The following MIDN variants were observed in gnomAD, a reference collection of about 807,000 sequenced individuals.
MIDN encodes midnolin, also known as midbrain nucleolar protein.
MIDN carries 26 observed loss-of-function variants against 46.1 expected under a neutral mutation model. The ratio of observed to expected loss-of-function variants is 0.56; its 90% CI spans 0.41 to 0.78. The LOEUF (loss-of-function observed/expected upper bound fraction) is 0.78, where lower values mean the gene tolerates loss of function less well. Ranked by LOEUF, MIDN falls within the 30% of genes least tolerant of loss-of-function variation. The probability of loss-of-function intolerance (pLI) is 0.00; values close to 1 mark genes in which losing one functional copy is unlikely to be tolerated. For missense variants in MIDN, 850 were observed against 771.8 expected (o/e 1.10, Z -1.20); for synonymous variants, 432 against 343.3 (o/e 1.26, Z -2.86).
At position 1,251,883 on chromosome 19, in the gene MIDN, G is replaced by A. The variant is rs187630443; in HGVS notation, c.366G>A (p.Glu122=). ...AACAGTCCGTGATGCAAGCTCTCGA[G>A]AGTCTCACGGAGACGCAGGTAAGAC... The part of the protein sequence containing the change: ...RPEQSVMQAL[E]SLTETQPPAA... The change falls in exon 4 of 9, where the codon GAG becomes GAA. Residue 122 remains glutamate, a synonymous_variant. Coordinates refer to ENST00000682408, the MANE Select transcript of MIDN (RefSeq NM_001388306.1). 40 of 1,613,366 alleles carry A rather than the reference G, an allele frequency of 2.5e-5. No homozygotes were observed. In the East Asian group the frequency reaches 8.9e-4, roughly 36 times the overall value.
At position 1,258,864 on chromosome 19, in the gene MIDN, G is replaced by A. The variant is rs994506647; in HGVS notation, c.*1592G>A. The A allele has an allele frequency of 6.6e-6, 1 of 151,830 alleles. No homozygotes were observed. The highest frequency in any genetic ancestry group is 2.4e-5 in the African/African-American group (1 of 41,438). The allele number at this position is 151,830 out of a possible 1,614,324, so 9.4% of individuals were successfully genotyped here. On this transcript the variant is annotated 3_prime_UTR_variant, in exon 9 of 9. Coordinates refer to ENST00000682408, the MANE Select transcript of MIDN (RefSeq NM_001388306.1). ...GGTTTGTTTTTTGAAGAACTGTCTT[G>A]GATACCTATTTAAATGTGTGTTCTG...
intron 4 of MIDN, among the ~76,000 whole-genome samples, chr19:1,252,773 A>C (rs1313232682): frequency 1.3e-5 from 2 of 151,846 alleles, no homozygotes; most frequent in East Asian, 3.9e-4. Context: ...CGGCATGTAG[A>C]GTCCTGCCCT....
Position 1,254,471 on chromosome 19 carries a change from G to C in MIDN, c.818G>C (p.Cys273Ser), listed in dbSNP as rs1441053430. 1 of 1,554,200 alleles carries C rather than the reference G, an allele frequency of 6.4e-7. No individual in the cohort carries two copies. Residue 273 changes from cysteine to serine, a missense_variant, in exon 6 of 9, where the codon TGC becomes TCC. Coordinates refer to ENST00000682408, the MANE Select transcript of MIDN (RefSeq NM_001388306.1). ...SFRSHAASTT[C>S]PEQMDCSPTA... ...CGGTCCCACGCAGCCTCCACCACCT[G>C]CCCGGAGGTGAGCCTGGGGAAGGGA...
rs1881689459 is a variant in MIDN at position 1,258,451 on chromosome 19, G to A, written c.*1179G>A. 1.3e-5 allele frequency: 2 copies of A among 152,540 alleles called. No individual in the cohort carries two copies. Among genetic ancestry groups the A allele is most frequent in the African/African-American group, 4.8e-5 (2 of 41,442 alleles). 9.4% of individuals were successfully genotyped at this position (152,540 alleles called of 1,614,324 possible). ...GCCCTAGGGGTGTCTGTCTCCAGAG[G>A]GGAGGGACAAATCCCCTACTGGGGC... On this transcript the variant is annotated 3_prime_UTR_variant, in exon 9 of 9. Coordinates refer to ENST00000682408, the MANE Select transcript of MIDN (RefSeq NM_001388306.1).
chr19:1,254,344 G>T lies in MIDN; in HGVS notation c.691G>T (p.Val231Leu), dbSNP rs748612554. ...GGGGGACCCCAGCATAGCCTCCCCC[G>T]TGTCCTCGCCCTGCCGGCCGGTGTC... Reference protein sequence around the residue: ...ARGDPSIASPVSSPCRPVSSA... With the variant: ...ARGDPSIASPLSSPCRPVSSA... Residue 231 changes from valine to leucine, a missense_variant, in exon 6 of 9, where the codon GTG (valine) becomes TTG (leucine). Coordinates refer to ENST00000682408, the MANE Select transcript of MIDN (RefSeq NM_001388306.1). 1.3e-6 allele frequency: 2 copies of T among 1,565,374 alleles called. No homozygotes were observed. The highest frequency in any genetic ancestry group is 1.1e-5 in the South Asian group (1 of 87,308).
intron 2 of MIDN, 99 bp downstream of exon 2, chr19:1,250,628 C>A: frequency 1.7e-6 from 1 of 575,280 alleles, no homozygotes; most frequent in Non-Finnish European, 2.3e-6. Flanking sequence ...GGCGGCCAGA[C>A]AGGGGGCGGG....
intron 8 of MIDN, among the ~76,000 whole-genome samples, chr19:1,255,945 T>C (rs2081194329): frequency 6.6e-6 from 1 of 152,202 alleles, no homozygotes; most frequent in Non-Finnish European, 1.5e-5. Context: ...CGGGGCATCA[T>C]CTCCAGATGG....
intron 2 of MIDN, among the ~76,000 whole-genome samples, chr19:1,250,878 C>T (rs536588977): frequency 2.6e-5 from 4 of 152,194 alleles, no homozygotes; most frequent in African/African-American, 4.8e-5. Flanking sequence ...TCGGCGGCCT[C>T]CTCTGCGTCT....
At position 1,255,666 on chromosome 19, in the gene MIDN, G is replaced by C; in HGVS notation, c.1230G>C (p.Gln410His). The part of the protein sequence containing the change: ...AAPSASLLQG[Q>H]SQIRMCKPPG... The stretch of plus-strand genomic sequence containing the variant: ...CCTCAGCCTCCCTGCTGCAGGGCCA[G>C]AGCCAGATCCGCATGTGCAAGCCCC... Residue 410 changes from glutamine to histidine, a missense_variant, in exon 8 of 9, where the codon CAG becomes CAC. Transcript: ENST00000682408. The C allele has an allele frequency of 6.3e-7, 1 of 1,597,088 alleles. No individual in the cohort carries two copies. The highest frequency in any genetic ancestry group is 8.5e-7 in the Non-Finnish European group (1 of 1,175,442).
rs201766442 is a variant in MIDN at position 1,255,621 on chromosome 19, C to T, written c.1185C>T (p.Cys395=). The change falls in exon 8 of 9, where the codon TGC becomes TGT. Residue 395 remains cysteine (C), a synonymous_variant. Coordinates refer to ENST00000682408, the MANE Select transcript of MIDN (RefSeq NM_001388306.1). ...ACCTGGCCCCCAGAACTACCTCCTGCGAGAAGCTCACGGCTGCCCCCTCAG... is the reference window on the plus strand; with the variant it reads ...ACCTGGCCCCCAGAACTACCTCCTGTGAGAAGCTCACGGCTGCCCCCTCAG... ...APDLAPRTTS[C]EKLTAAPSAS... is the part of the protein sequence containing the mutation. 236 of 1,608,072 alleles carry T rather than the reference C, an allele frequency of 1.5e-4. 2 individuals are homozygous for T. The South Asian group carries it at 2.3e-3, about 16-fold the overall frequency.
At chr19:1,253,529 G>T (rs1030884926) in intron 4 of MIDN, among the ~76,000 whole-genome samples, 4 of 152,104 alleles carry the variant, frequency 2.6e-5, no homozygotes. Context: ...ACCCTGAACG[G>T]GGGCAGATTG....
At chr19:1,251,989 C>T (rs2081135507) in intron 4 of MIDN, 88 bp downstream of exon 4, 4 of 1,191,018 alleles carry the variant, frequency 3.4e-6, no homozygotes, top group Non-Finnish European at 4.9e-6. Context: ...TGTCTGTGCT[C>T]CCAGGAGGCT....
chr19:1,250,392 C>T lies in MIDN; in HGVS notation c.96C>T (p.Ser32=). The change falls in exon 2 of 9, where the codon AGC becomes AGT. Residue 32 remains serine, a synonymous_variant. Coordinates refer to ENST00000682408, the MANE Select transcript of MIDN (RefSeq NM_001388306.1). ...LGPAAEAAPM[S]LAIHSTTGTR... ...CGGCGGCCGAGGCGGCGCCCATGAG[C>T]CTCGCCATCCACAGCACCACGGGCA... 1 of 1,274,498 alleles carries T rather than the reference C, an allele frequency of 7.8e-7. No individual in the cohort carries two copies. Among genetic ancestry groups the T allele is most frequent in the Non-Finnish European group, 1.0e-6 (1 of 991,812 alleles). The allele number at this position is 1,274,498 out of a possible 1,614,324, so 78.9% of individuals were successfully genotyped here. A position where few individuals can be genotyped will look rare whatever the true frequency, so the allele number is the denominator to read the frequency against.
At chr19:1,251,931 G>T in intron 4 of MIDN, 30 bp downstream of exon 4, 1 of 1,599,028 alleles carries the variant, frequency 6.3e-7, no homozygotes. Flanking sequence ...TTCCTAACAG[G>T]GCAGCCCTGG....
chr19:1,256,724 G>A (rs1378225444), intron 8 of MIDN, among the ~76,000 whole-genome samples: 2 of 152,102 alleles, frequency 1.3e-5, no homozygotes, highest in African/African-American at 2.4e-5. Context: ...TGTGGCTCAG[G>A]CCTGTCTCGA....
At chr19:1,251,953 C>T (rs1359815342) in intron 4 of MIDN, 52 bp downstream of exon 4, 9 of 1,511,688 alleles carry the variant, frequency 6.0e-6, no homozygotes, top group Non-Finnish European at 6.4e-6. Context: ...AGCAGGGTGC[C>T]TTGGCCACCG....
At position 1,258,039 on chromosome 19, in the gene MIDN, C is replaced by CCCCCCAGCCTG. The variant is rs1247203856; in HGVS notation, c.*771_*781dup. Reference sequence around the variant, plus strand: ...TGTCGGGAAGGGAGAGGGGAACTACCCCCCCAGCCTGCCCTCCGCCCCGCC... The same window carrying CCCCCCAGCCTG: ...TGTCGGGAAGGGAGAGGGGAACTACCCCCCCAGCCTGCCCCCAGCCTGCCCTCCGCCCCGCC... On this transcript the variant is annotated 3_prime_UTR_variant, in exon 9 of 9. Transcript: ENST00000682408. 1.3e-5 allele frequency: 2 copies of CCCCCCAGCCTG among 152,434 alleles called. No individual in the cohort carries two copies. The highest frequency in any genetic ancestry group is 4.1e-4 in the South Asian group (2 of 4,842). The allele number at this position is 152,434 out of a possible 1,614,324, so 9.4% of individuals were successfully genotyped here. A position where few individuals can be genotyped will look rare whatever the true frequency, so the allele number is the denominator to read the frequency against.
At chr19:1,249,327 C>A (rs997270634) in intron 1 of MIDN, among the ~76,000 whole-genome samples, 1 of 150,508 alleles carries the variant, frequency 6.6e-6, no homozygotes, top group Non-Finnish European at 1.5e-5. Context: ...CTAGCCTCAC[C>A]GTCGCCCGCC....
intron 8 of MIDN, among the ~76,000 whole-genome samples, chr19:1,256,319 T>G (rs781016887): frequency 6.6e-6 from 1 of 152,012 alleles, no homozygotes; most frequent in African/African-American, 2.4e-5. Context: ...CCGTTTCCAC[T>G]AAAAATACAA....
Sources: gnomAD v4.1 joint callset for allele counts (sites outside exome capture counted in the v4.1 genomes callset) on GRCh38, gnomAD v4.1.1 for gene constraint, MANE v1.5 for transcripts, NCBI Gene and HGNC (gene_info 2026-07-23, HGNC 2026-07-21) for gene names.